Variants in ZNF69 observed in about 807,000 individuals in gnomAD.
ZNF69 encodes the protein zinc finger protein 69.
A neutral mutation model predicts 50.9 loss-of-function variants in ZNF69; 47 were observed. The observed-to-expected ratio is 0.92, with a 90% confidence interval of 0.73 to 1.18. ZNF69 has a LOEUF of 1.18. Ranked by LOEUF, ZNF69 falls within the 50% of genes most tolerant of loss-of-function variation. The pLI is 0.00. For missense variants in ZNF69, 717 were observed against 675.1 expected (o/e 1.06, Z -0.69); for synonymous variants, 216 against 223.1 (o/e 0.97, Z 0.29).
chr19:11,942,166 T>G, the ZNF69 span, among the ~76,000 whole-genome samples: 1 of 150,914 alleles, frequency 6.6e-6, no homozygotes, highest in African/African-American at 2.4e-5. Flanking sequence ...ACTTAGGTGT[T>G]TCCCCTCCTC....
At chr19:11,947,544 A>G in the ZNF69 span, 15 of 1,613,796 alleles carry the variant, frequency 9.3e-6, no homozygotes, top group Non-Finnish European at 1.2e-5. Context: ...AACATTGAAT[A>G]TGAGTACCAA....
At position 11,887,804 on chromosome 19, in the gene ZNF69, G is replaced by A; in HGVS notation, c.-120G>A. ...CCCACTGTTCCTCCAGACACTGAGG[G>A]GGTCGCATTCCTTACCTCACCTTTG... On this transcript the variant is annotated 5_prime_UTR_variant, in exon 1 of 4. Coordinates refer to ENST00000429654, the MANE Select transcript of ZNF69 (RefSeq NM_001364730.1). 1.4e-6 allele frequency: 1 copy of A among 734,234 alleles called. No homozygotes were observed. Among genetic ancestry groups the A allele is most frequent in the Non-Finnish European group, 2.2e-6 (1 of 448,230 alleles). 45.5% of individuals were successfully genotyped at this position (734,234 alleles called of 1,614,324 possible). A position where few individuals can be genotyped will look rare whatever the true frequency, so the allele number is the denominator to read the frequency against.
the ZNF69 span, among the ~76,000 whole-genome samples, chr19:11,974,116 T>TC: frequency 1.5e-5 from 1 of 68,756 alleles, no homozygotes; most frequent in African/African-American, 5.3e-5. Flanking sequence ...TTTCTTTCTT[T>TC]CTTTCTTTCT....
At chr19:11,949,685 A>G in the ZNF69 span, 1 of 1,614,010 alleles carries the variant, frequency 6.2e-7, no homozygotes, top group Non-Finnish European at 8.5e-7. Flanking sequence ...CTTCGATATC[A>G]TGAAAGGACT....
chr19:11,932,106 A>G, the ZNF69 span, among the ~76,000 whole-genome samples: 8 of 147,268 alleles, frequency 5.4e-5, no homozygotes, highest in African/African-American at 8.1e-5. Flanking sequence ...CCAGGCAGCA[A>G]GAGTGAAACT....
chr19:11,928,452 G>C, the ZNF69 span, among the ~76,000 whole-genome samples: 4 of 149,938 alleles, frequency 2.7e-5, no homozygotes, highest in Non-Finnish European at 5.9e-5. Context: ...TAGTCTCTGG[G>C]CCGGGCGCGG....
At chr19:11,898,016 A>T (rs909851072) in intron 1 of ZNF69, among the ~76,000 whole-genome samples, 1 of 152,222 alleles carries the variant, frequency 6.6e-6, no homozygotes, top group Non-Finnish European at 1.5e-5. Context: ...GCATTCTAGA[A>T]TCTTACTAAA....
chr19:11,922,343 A>T, the ZNF69 span, among the ~76,000 whole-genome samples: 3 of 152,230 alleles, frequency 2.0e-5, no homozygotes, highest in South Asian at 2.1e-4. Flanking sequence ...TCTGTAAGAC[A>T]GCGTATAAAA....
At chr19:11,897,534 C>T (rs538182306) in intron 1 of ZNF69, among the ~76,000 whole-genome samples, 14 of 149,842 alleles carry the variant, frequency 9.3e-5, no homozygotes, top group African/African-American at 2.5e-4. Flanking sequence ...ATGATTGCAC[C>T]GCTACACTCC....
the ZNF69 span, among the ~76,000 whole-genome samples, chr19:11,921,487 T>TTTG: frequency 3.5e-5 from 4 of 114,052 alleles, no homozygotes; most frequent in South Asian, 9.8e-4. Context: ...GAAAATTTCT[T>TTTG]TTGTTTGTTT....
At chr19:11,957,663 G>C in the ZNF69 span, among the ~76,000 whole-genome samples, 1 of 151,836 alleles carries the variant, frequency 6.6e-6, no homozygotes, top group African/African-American at 2.4e-5. Flanking sequence ...TGGCCAGCAT[G>C]GTGAAACACC....
the ZNF69 span, among the ~76,000 whole-genome samples, chr19:11,970,733 A>G: frequency 2.6e-5 from 4 of 152,126 alleles, no homozygotes; most frequent in South Asian, 8.3e-4. Context: ...GGAGTTTGAG[A>G]CCAGCCTGAC....
At chr19:11,920,409 G>T in the ZNF69 span, among the ~76,000 whole-genome samples, 1 of 152,050 alleles carries the variant, frequency 6.6e-6, no homozygotes. Flanking sequence ...TACTATGCTC[G>T]CCCTGTTTTA....
chr19:11,898,653 T>G (rs1397171228), intron 1 of ZNF69, among the ~76,000 whole-genome samples: 1 of 152,128 alleles, frequency 6.6e-6, no homozygotes, highest in Admixed American at 6.6e-5. Context: ...CCTTCCAAAG[T>G]GCTGGGATTA....
chr19:11,978,356 T>G, the ZNF69 span: 20 of 1,614,070 alleles, frequency 1.2e-5, no homozygotes, highest in Admixed American at 5.0e-5. Flanking sequence ...CAAAGCCATA[T>G]AAGTGTCAAC....
chr19:11,910,288 C>T (rs916490957), downstream of ZNF69, among the ~76,000 whole-genome samples: 17 of 152,144 alleles, frequency 1.1e-4, no homozygotes, highest in Admixed American at 3.3e-4. Flanking sequence ...ATCAAGCTAC[C>T]GATGACTTTC....
the ZNF69 span, chr19:11,980,136 G>C: frequency 1.9e-5 from 15 of 791,544 alleles, no homozygotes; most frequent in Non-Finnish European, 3.0e-5. Context: ...ACTCACACTG[G>C]ATAGAAACCA....
chr19:11,972,939 A>G, the ZNF69 span, among the ~76,000 whole-genome samples: 5 of 151,758 alleles, frequency 3.3e-5, no homozygotes, highest in African/African-American at 1.2e-4. Flanking sequence ...AAAAAAAAAA[A>G]TCATTTTAAA....
At chr19:11,957,307 G>A in the ZNF69 span, among the ~76,000 whole-genome samples, 1 of 151,478 alleles carries the variant, frequency 6.6e-6, no homozygotes, top group Non-Finnish European at 1.5e-5. Flanking sequence ...TGTTAGCCAG[G>A]ATGATCTCAA....
Sources: allele counts gnomAD v4.1 joint callset (sites outside exome capture counted in the v4.1 genomes callset), GRCh38; gene constraint gnomAD v4.1.1; transcripts MANE v1.5; gene names NCBI Gene and HGNC (gene_info 2026-07-23, HGNC 2026-07-21).